Variants in PATL2 observed in about 807,000 individuals in gnomAD.
PATL2 encodes the protein protein PAT1 homolog 2.
A neutral mutation model predicts 77.0 loss-of-function variants in PATL2; 73 were observed. The observed-to-expected ratio is 0.95, with a 90% CI of 0.78 to 1.15. PATL2 has a LOEUF of 1.15. PATL2 is among the 50% of genes most tolerant of loss of function. The pLI, the probability that PATL2 is intolerant of heterozygous loss-of-function variation, is 0.00. For synonymous variants in PATL2, 265 were observed against 257.1 expected, an observed-to-expected ratio of 1.03 and a Z score of -0.29; for missense variants, 618 against 655.4, an observed-to-expected ratio of 0.94 and a Z score of 0.62.
chr15:44,697,649 T>C (rs1339931628), intron 3 of PATL2, among the ~76,000 whole-genome samples: 1 of 152,174 alleles, frequency 6.6e-6, no homozygotes, highest in Admixed American at 6.5e-5. Flanking sequence ...CATTTGCTTC[T>C]ATTCTTGCCC....
intron 8 of PATL2, 42 bp downstream of exon 8, chr15:44,672,346 C>G: frequency 6.5e-7 from 1 of 1,541,608 alleles, no homozygotes; most frequent in South Asian, 1.2e-5. Flanking sequence ...ACCCGGCATG[C>G]AAATGGGCTC....
chr15:44,710,819 G>GT (rs1472028201), intron 2 of PATL2, among the ~76,000 whole-genome samples, 52 bp downstream of exon 2: 2 of 151,892 alleles, frequency 1.3e-5, no homozygotes, highest in South Asian at 2.1e-4. Flanking sequence ...ATTAGTGGTC[G>GT]TTTTTTTCTC....
At chr15:44,695,886 G>T (rs1044598609) in intron 3 of PATL2, among the ~76,000 whole-genome samples, 2 of 152,130 alleles carry the variant, frequency 1.3e-5, no homozygotes, top group African/African-American at 4.8e-5. Flanking sequence ...TTTAGGGGAA[G>T]AGTTCAGAAA....
In PATL2 at chr15:44,690,803, A is replaced by AT. The variant is rs201743960; in HGVS notation, c.-75-14239dup. On this transcript the variant is annotated intron_variant, in intron 3 of 17. Coordinates refer to ENST00000682850, the MANE Select transcript of PATL2 (RefSeq NM_001387263.1). ...CTTCTTCACAACTGCTTGTTATCAT[A>AT]TATTATCCAATCAGTAACCATGTCA... is the stretch of plus-strand genomic sequence containing the variant. 1.3e-3 allele frequency among the ~76,000 whole-genome samples: 191 copies of AT among 152,260 alleles called. 1 individual carries two copies. The highest frequency in any genetic ancestry group is 3.7e-3 in the African/African-American group (154 of 41,576).
intron 3 of PATL2, among the ~76,000 whole-genome samples, chr15:44,709,634 C>T (rs906525264): frequency 2.0e-5 from 3 of 152,190 alleles, no homozygotes; most frequent in African/African-American, 2.4e-5. Flanking sequence ...ACATAATTTT[C>T]CCCCTCACTA....
chr15:44,669,276 T>C lies in PATL2; in HGVS notation c.1064+4A>G. 2 of 1,545,952 alleles carry C rather than the reference T, an allele frequency of 1.3e-6. No homozygotes were observed. Among genetic ancestry groups the C allele is most frequent in the Non-Finnish European group, 1.8e-6 (2 of 1,142,288 alleles). ...GGGCTGAGGTGGAACCCTCCCACAC[T>C]CACTCCAGGTTGTTCTGCTCCTGGG... is the stretch of plus-strand genomic sequence containing the variant. On this transcript the variant is annotated splice_donor_region_variant and intron_variant, in intron 13 of 17. Transcript: ENST00000682850.
intron 3 of PATL2, among the ~76,000 whole-genome samples, chr15:44,701,839 C>A (rs1447080374): frequency 6.6e-6 from 1 of 151,854 alleles, no homozygotes; most frequent in African/African-American, 2.4e-5. Context: ...CCTCAGGGAG[C>A]TTTTACTCAT....
chr15:44,673,990 C>T lies in PATL2; in HGVS notation c.303+160G>A, dbSNP rs539322417. On this transcript the variant is annotated intron_variant, in intron 6 of 17. Transcript: ENST00000682850. Reference sequence around the variant, plus strand: ...TCCATGCCCCTGCTTGGGCACACCACCTCTGTCATTTATCAAGCTCCTCTA... The same window carrying T: ...TCCATGCCCCTGCTTGGGCACACCATCTCTGTCATTTATCAAGCTCCTCTA... Among the ~76,000 whole-genome samples, 47 of 152,306 alleles carry T rather than the reference C, an allele frequency of 3.1e-4. 1 individual carries two copies. In the South Asian group the frequency reaches 4.6e-3, roughly 15 times the overall value.
In PATL2 at chr15:44,675,532, T is replaced by A; in HGVS notation, c.176A>T (p.Asn59Ile). 6.4e-7 allele frequency: 1 copy of A among 1,551,860 alleles called. No homozygotes were observed. Among genetic ancestry groups the A allele is most frequent in the South Asian group, 1.2e-5 (1 of 84,056 alleles). Residue 59 changes from asparagine to isoleucine, a missense_variant, in exon 5 of 18, where the codon AAT (asparagine) becomes ATT (isoleucine). Asn to Ile is a moderately radical substitution (Grantham distance 149). Coordinates refer to ENST00000682850, the MANE Select transcript of PATL2 (RefSeq NM_001387263.1). ...DLDPDLEEEE[N>I]DLGDPAVLGA... Reference sequence around the variant, plus strand: ...AAGTACAGCTGGATCCCCAAGATCATTCTCTTCCTCCTCTAGGTCTGGGTC... The same window carrying A: ...AAGTACAGCTGGATCCCCAAGATCAATCTCTTCCTCCTCTAGGTCTGGGTC...
chr15:44,693,345 G>A (rs2086433684), intron 3 of PATL2, among the ~76,000 whole-genome samples: 1 of 152,142 alleles, frequency 6.6e-6, no homozygotes, highest in African/African-American at 2.4e-5. Flanking sequence ...CTCTATGGGA[G>A]AACCCATGTC....
chr15:44,705,392 G>A (rs2086713557), intron 3 of PATL2, among the ~76,000 whole-genome samples: 1 of 152,080 alleles, frequency 6.6e-6, no homozygotes, highest in African/African-American at 2.4e-5. Flanking sequence ...ATGTTGGCGA[G>A]GCTGCTCTCG....
rs774003212 is a variant in PATL2, at chr15:44,666,357, CA to C, written c.1613+34del. 7.1e-6 allele frequency: 11 copies of C among 1,550,796 alleles called. No individual in the cohort carries two copies. The African/African-American group carries it at 1.2e-4, about 17-fold the overall frequency. ...TAACAGAACATAGATTGGGCTTGAACAAGGGGCTTTGACCTTGTTTCTGCCA... is the reference window on the plus strand; with the variant it reads ...TAACAGAACATAGATTGGGCTTGAACAGGGGCTTTGACCTTGTTTCTGCCA... On this transcript the variant is annotated intron_variant, in intron 17 of 17. Coordinates refer to ENST00000682850, the MANE Select transcript of PATL2 (RefSeq NM_001387263.1).
intron 7 of PATL2, 53 bp from the exon 8 acceptor site, chr15:44,672,509 C>G (rs1377616044): frequency 2.7e-6 from 4 of 1,487,572 alleles, no homozygotes; most frequent in Middle Eastern, 1.7e-4. Context: ...CAGTTCTCTG[C>G]CCCCTCCATT....
intron 3 of PATL2, chr15:44,676,876 T>C: frequency 1.8e-6 from 2 of 1,083,076 alleles, no homozygotes; most frequent in Non-Finnish European, 2.3e-6. Flanking sequence ...CACCTGACTG[T>C]TGCTGTCCTT....
chr15:44,688,082 T>C (rs1169288908), intron 3 of PATL2, among the ~76,000 whole-genome samples: 1 of 151,822 alleles, frequency 6.6e-6, no homozygotes, highest in Non-Finnish European at 1.5e-5. Flanking sequence ...CCATCTCTAC[T>C]AAAAATACAA....
intron 2 of PATL2, among the ~76,000 whole-genome samples, chr15:44,710,570 A>G (rs1367700497): frequency 6.6e-6 from 1 of 152,220 alleles, no homozygotes; most frequent in Admixed American, 6.5e-5. Context: ...ATCAGGCCAG[A>G]GTTTGAATTC....
upstream of PATL2, chr15:44,711,371 A>C: frequency 1.4e-6 from 1 of 739,238 alleles, no homozygotes; most frequent in South Asian, 1.5e-5. Context: ...ACGAGACTCT[A>C]AGAAAAGGAA....
At chr15:44,710,069 G>A (rs559208037) in intron 3 of PATL2, among the ~76,000 whole-genome samples, 27 bp downstream of exon 3, 2 of 152,302 alleles carry the variant, frequency 1.3e-5, no homozygotes, top group African/African-American at 4.8e-5. Context: ...TAATTATAGC[G>A]CTTATTAAAC....
At chr15:44,668,868 G>A (rs915850039) in intron 14 of PATL2, 112 bp downstream of exon 14, 17 of 1,294,534 alleles carry the variant, frequency 1.3e-5, no homozygotes, top group Admixed American at 1.2e-4. Context: ...AGCATCCCTC[G>A]CTGTGCCCAG....
Sources: gnomAD v4.1 joint callset for allele counts (sites outside exome capture counted in the v4.1 genomes callset) on GRCh38, gnomAD v4.1.1 for gene constraint, MANE v1.5 for transcripts, NCBI Gene and HGNC (gene_info 2026-07-23, HGNC 2026-07-21) for gene names.